The following KDM7A variants were observed in gnomAD, a reference collection of about 807,000 sequenced individuals.
KDM7A encodes lysine demethylase 7A, also known as lysine-specific demethylase 7A.
In KDM7A, 28 loss-of-function variants were observed where a neutral mutation model predicts 114.8. The observed-to-expected ratio is 0.24, with a 90% CI of 0.18 to 0.33. The LOEUF is 0.33. Ranked by LOEUF, KDM7A falls within the 10% of genes least tolerant of loss-of-function variation. The pLI is 1.00. For missense variants in KDM7A, 942 were observed against 1,142.5 expected, an observed-to-expected ratio of 0.82 and a Z score of 2.53; for synonymous variants, 423 against 397.8, an observed-to-expected ratio of 1.06 and a Z score of -0.75.
At chr7:140,100,336 A>C (rs914405654) in intron 12 of KDM7A, among the ~76,000 whole-genome samples, 1 of 152,200 alleles carries the variant, frequency 6.6e-6, no homozygotes, top group African/African-American at 2.4e-5. Context: ...GCACTGCCTC[A>C]GAGTATTTTA....
intron 1 of KDM7A, among the ~76,000 whole-genome samples, chr7:140,168,270 G>GT (rs1794599886): frequency 6.6e-6 from 1 of 152,082 alleles, no homozygotes; most frequent in African/African-American, 2.4e-5. Flanking sequence ...ACCTGAAGCT[G>GT]TATCTCAATA....
intron 1 of KDM7A, among the ~76,000 whole-genome samples, chr7:140,152,832 T>G (rs1794416071): frequency 1.3e-5 from 2 of 152,124 alleles, no homozygotes; most frequent in African/African-American, 4.8e-5. Context: ...AAAAGATAAT[T>G]TGTCATTATA....
rs929747739 is a variant in KDM7A at position 140,176,388 on chromosome 7, G to A, written c.194+356C>T. Among the ~76,000 whole-genome samples the A allele has an allele frequency of 1.0e-4, 15 of 143,730 alleles. No homozygotes were observed. The highest frequency in any genetic ancestry group is 3.7e-4 in the African/African-American group (15 of 40,242). 94.3% of individuals were successfully genotyped at this position (143,730 alleles called of 152,430 possible). ...CGGGGCGGCGGCGGCCCGGGCTGGCGAGGGGCTGCGGACCCGGCCGGCGCT... is the reference window on the plus strand; with the variant it reads ...CGGGGCGGCGGCGGCCCGGGCTGGCAAGGGGCTGCGGACCCGGCCGGCGCT... On this transcript the variant is annotated intron_variant, in intron 1 of 19. Transcript: ENST00000397560. This position sits in a 1 kb window ranked among gnomAD's most constrained non-coding sequence, Gnocchi z 4.4.
intron 11 of KDM7A, among the ~76,000 whole-genome samples, chr7:140,109,938 G>A (rs1818405334): frequency 6.6e-6 from 1 of 152,016 alleles, no homozygotes; most frequent in Non-Finnish European, 1.5e-5. Flanking sequence ...TTTTTCTCTG[G>A]AGACATCCTT....
chr7:140,175,122 T>C (rs1191698352), intron 1 of KDM7A, among the ~76,000 whole-genome samples: 1 of 152,226 alleles, frequency 6.6e-6, no homozygotes, highest in Non-Finnish European at 1.5e-5. Flanking sequence ...CTAAAGATTA[T>C]ACGAAACGAG....
At chr7:140,115,822 A>T (rs993001786) in intron 9 of KDM7A, among the ~76,000 whole-genome samples, 5 of 62,554 alleles carry the variant, frequency 8.0e-5, no homozygotes, top group African/African-American at 2.3e-4. Context: ...ATAAATAAAT[A>T]AAAAAAAATA....
chr7:140,133,099 T>G (rs1218911702), intron 3 of KDM7A, among the ~76,000 whole-genome samples: 1 of 152,198 alleles, frequency 6.6e-6, no homozygotes, highest in African/African-American at 2.4e-5. Context: ...TTGTGTGTGC[T>G]TCTGGTGGAT....
At chr7:140,141,745 T>C (rs1018096282) in intron 1 of KDM7A, among the ~76,000 whole-genome samples, 1 of 151,648 alleles carries the variant, frequency 6.6e-6, no homozygotes, top group Non-Finnish European at 1.5e-5. Flanking sequence ...AATACAAAAA[T>C]TAGCCAGGCA....
intron 6 of KDM7A, among the ~76,000 whole-genome samples, chr7:140,125,099 G>A (rs1483654760): frequency 1.3e-5 from 2 of 152,162 alleles, no homozygotes; most frequent in Non-Finnish European, 2.9e-5. Flanking sequence ...AAGTAAATAT[G>A]TGTTGACAGG....
chr7:140,136,872 A>G (rs906500850), intron 2 of KDM7A, among the ~76,000 whole-genome samples: 27 of 152,228 alleles, frequency 1.8e-4, no homozygotes, highest in African/African-American at 6.3e-4. Context: ...CCGTAATCCC[A>G]GCTACTCAGG....
chr7:140,171,743 G>A (rs1464214069), intron 1 of KDM7A, among the ~76,000 whole-genome samples: 1 of 151,198 alleles, frequency 6.6e-6, no homozygotes, highest in East Asian at 1.9e-4. Context: ...CCCCACTTAT[G>A]CCTGTACTTG....
chr7:140,107,258 T>C (rs1818353891), intron 11 of KDM7A, among the ~76,000 whole-genome samples: 1 of 152,224 alleles, frequency 6.6e-6, no homozygotes, highest in African/African-American at 2.4e-5. Flanking sequence ...ATTGGAGCAT[T>C]TAGCCCATCT....
At chr7:140,118,538 TG>T (rs1234320330) in intron 9 of KDM7A, among the ~76,000 whole-genome samples, 1 of 151,886 alleles carries the variant, frequency 6.6e-6, no homozygotes, top group Admixed American at 6.6e-5. Flanking sequence ...CCCAAGTAGC[TG>T]GGATTACAGG....
Position 140,113,555 on chromosome 7 carries a change from T to G in KDM7A, c.1274A>C (p.Gln425Pro). ...TTTCACTCCCTGTACTAGGTAAGTTTGAGGCTGGAAACCATCTTCTCTCAG... is the reference window on the plus strand; with the variant it reads ...TTTCACTCCCTGTACTAGGTAAGTTGGAGGCTGGAAACCATCTTCTCTCAG... The part of the protein sequence containing the change: ...KELREDGFQP[Q>P]TYLVQGVKAL... Residue 425 changes from glutamine to proline, a missense_variant, in exon 10 of 20, where the codon CAA becomes CCA. This residue lies in a region of KDM7A where 318 missense variants were observed against 453.1 expected (regional missense o/e 0.70). Coordinates refer to ENST00000397560, the MANE Select transcript of KDM7A (RefSeq NM_030647.2). The G allele has an allele frequency of 6.2e-7, 1 of 1,605,270 alleles. No homozygotes were observed. Among genetic ancestry groups the G allele is most frequent in the Non-Finnish European group, 8.5e-7 (1 of 1,173,346 alleles).
At chr7:140,141,273 G>T (rs1417715738) in intron 1 of KDM7A, among the ~76,000 whole-genome samples, 1 of 152,116 alleles carries the variant, frequency 6.6e-6, no homozygotes, top group Non-Finnish European at 1.5e-5. Context: ...GGTGGAACCT[G>T]ACAAGCTGGT....
chr7:140,097,495 T>C (rs1818134284), intron 15 of KDM7A, 50 bp downstream of exon 15: 1 of 978,676 alleles, frequency 1.0e-6, no homozygotes, highest in African/African-American at 1.6e-5. Context: ...AGTTACGTGG[T>C]GCTCATCTTT....
intron 11 of KDM7A, among the ~76,000 whole-genome samples, chr7:140,104,514 T>C (rs1818293489): frequency 6.6e-6 from 1 of 152,220 alleles, no homozygotes; most frequent in Non-Finnish European, 1.5e-5. Flanking sequence ...CAGTTTCAGC[T>C]TTCTACATAT....
chr7:140,128,214 G>A (rs1562953637), intron 4 of KDM7A, among the ~76,000 whole-genome samples: 1 of 152,128 alleles, frequency 6.6e-6, no homozygotes, highest in African/African-American at 2.4e-5. Flanking sequence ...TACAGTTTTC[G>A]TATAAACCCA....
chr7:140,112,705 G>A (rs550265942), intron 10 of KDM7A, among the ~76,000 whole-genome samples: 7 of 151,146 alleles, frequency 4.6e-5, no homozygotes, highest in Non-Finnish European at 7.4e-5. Flanking sequence ...GTTCCATGGA[G>A]TTATAATAAA....
Sources: gnomAD v4.1 joint callset for allele counts (sites outside exome capture counted in the v4.1 genomes callset) on GRCh38, gnomAD v4.1.1 for gene constraint, gnomAD v4.1.1 regional missense constraint, Gnocchi (gnomAD v3.1) non-coding constraint, MANE v1.5 for transcripts, NCBI Gene and HGNC (gene_info 2026-07-23, HGNC 2026-07-21) for gene names.